Variants in STAT4 observed in about 807,000 individuals in gnomAD.
STAT4 encodes the protein signal transducer and activator of transcription 4.
In STAT4, 42 loss-of-function variants were observed where a neutral mutation model predicts 110.5. That is an observed-to-expected ratio of 0.38 (90% CI 0.30 to 0.49). The LOEUF (loss-of-function observed/expected upper bound fraction) is 0.49. Ranked by LOEUF, STAT4 falls within the 20% of genes least tolerant of loss-of-function variation. STAT4 has a pLI of 0.95. For synonymous variants in STAT4, 284 were observed against 302.2 expected (o/e 0.94, Z 0.63); for missense variants, 632 against 887.9 (o/e 0.71, Z 3.66).
chr2:191,129,881 T>C (rs139627334), intron 3 of STAT4, among the ~76,000 whole-genome samples: 126 of 152,318 alleles, frequency 8.3e-4, no homozygotes, highest in Middle Eastern at 6.8e-3. Flanking sequence ...TAATTTGTCT[T>C]ATAACTGAGG....
intron 18 of STAT4, 33 bp from the exon 19 acceptor site, chr2:191,034,038 A>G (rs1326151196): frequency 7.2e-7 from 1 of 1,382,364 alleles, no homozygotes. Flanking sequence ...TAAGACAATG[A>G]TTATTTAAGT....
Position 191,147,998 on chromosome 2 carries a change from G to T in STAT4, c.128+78C>A, listed in dbSNP as rs993470659. ...GAATGCATCTACTGAGTAAAAAGTG[G>T]ACCATAAAATAAATTCACATGGATA... On this transcript the variant is annotated intron_variant, in intron 2 of 23. Coordinates refer to ENST00000392320, the MANE Select transcript of STAT4 (RefSeq NM_003151.4). The surrounding 1 kb of genome is among the most constrained non-coding windows in gnomAD (Gnocchi z 4.1). The T allele has an allele frequency of 6.3e-7, 1 of 1,581,714 alleles. No homozygotes were observed. Among genetic ancestry groups the T allele is most frequent in the Non-Finnish European group, 8.6e-7 (1 of 1,164,666 alleles).
intron 13 of STAT4, among the ~76,000 whole-genome samples, chr2:191,057,761 GC>G: frequency 6.6e-6 from 1 of 151,870 alleles, no homozygotes; most frequent in Middle Eastern, 3.4e-3. Context: ...ACCATGCCTG[GC>G]TAATTTTTTG....
Position 191,146,632 on chromosome 2 carries a change from CT to C in STAT4, c.253del (p.Arg85GlufsTer17). Reference sequence around the variant, plus strand: ...TCTTACCTGAAGGACCTTCCTAATTCTTTTTAGATTGTGTATCAAGAGTAGG... The same window carrying C: ...TCTTACCTGAAGGACCTTCCTAATTCTTTTAGATTGTGTATCAAGAGTAGG... ...KNLLLIHNLK[R>X]IRKVLQGKFH... On this transcript the variant is annotated frameshift_variant, in exon 3 of 24. Transcript: ENST00000392320. LOFTEE classifies it high-confidence loss of function. The surrounding 1 kb of genome is among the most constrained non-coding windows in gnomAD (Gnocchi z 4.5). 6.4e-7 allele frequency: 1 copy of C among 1,560,180 alleles called. No individual in the cohort carries two copies. Among genetic ancestry groups the C allele is most frequent in the Admixed American group, 1.9e-5 (1 of 52,540 alleles).
chr2:191,076,648 CTT>C (rs71403210), intron 3 of STAT4, among the ~76,000 whole-genome samples: 32 of 136,608 alleles, frequency 2.3e-4, no homozygotes, highest in Non-Finnish European at 2.5e-4. Context: ...CAGGTTTTTT[CTT>C]TTTTTTTTTT....
chr2:191,030,800 T>C lies in STAT4; in HGVS notation c.2220+172A>G. 6.9e-6 allele frequency: 4 copies of C among 580,544 alleles called. No individual in the cohort carries two copies. In the South Asian group the frequency reaches 8.2e-5, roughly 12 times the overall value. The allele number at this position is 580,544 out of a possible 1,614,324, so 36.0% of individuals were successfully genotyped here. ...AGGTGTCTGCTTTCAATACGCATAA[T>C]ATCAGCAACACGCAGGACCATCCAG... On this transcript the variant is annotated intron_variant, in intron 23 of 23. Transcript: ENST00000392320. The surrounding 1 kb of genome is among the most constrained non-coding windows in gnomAD (Gnocchi z 4.4).
intron 3 of STAT4, among the ~76,000 whole-genome samples, chr2:191,127,152 A>G (rs1410246535): frequency 6.6e-6 from 1 of 152,180 alleles, no homozygotes; most frequent in Non-Finnish European, 1.5e-5. Flanking sequence ...CAGTGTCAGA[A>G]TTCTCCAATA....
Position 191,090,031 on chromosome 2 carries a change from G to A in STAT4, c.274-13706C>T, listed in dbSNP as rs973140724. On this transcript the variant is annotated intron_variant, in intron 3 of 23. Coordinates refer to ENST00000392320, the MANE Select transcript of STAT4 (RefSeq NM_003151.4). This position sits in a 1 kb window ranked among gnomAD's most constrained non-coding sequence, Gnocchi z 4.2. ...ATAAAACACATAGAACATATAGTGAGCCCTAATGTAAATTATGGGACTTTA... is the reference window on the plus strand; with the variant it reads ...ATAAAACACATAGAACATATAGTGAACCCTAATGTAAATTATGGGACTTTA... Among the ~76,000 whole-genome samples the A allele has an allele frequency of 2.0e-5, 3 of 152,050 alleles. No individual in the cohort carries two copies. Among genetic ancestry groups the A allele is most frequent in the African/African-American group, 7.2e-5 (3 of 41,390 alleles).
At position 191,129,002 on chromosome 2, in the gene STAT4, A is replaced by C. The variant is rs73982622; in HGVS notation, c.273+17611T>G. ...CTAACTGAAAGGCTGAGAAGCAATT[A>C]AATGTGAATTTTTTCGACTGTGAGC... On this transcript the variant is annotated intron_variant, in intron 3 of 23. Coordinates refer to ENST00000392320, the MANE Select transcript of STAT4 (RefSeq NM_003151.4). Among the ~76,000 whole-genome samples, 1,514 of 152,328 alleles carry C rather than the reference A, an allele frequency of 9.9e-3. 35 individuals carry two copies. The highest frequency in any genetic ancestry group is 0.035 in the African/African-American group (1,438 of 41,570).
chr2:191,105,795 T>C (rs1698262370), intron 3 of STAT4, among the ~76,000 whole-genome samples: 1 of 152,238 alleles, frequency 6.6e-6, no homozygotes, highest in East Asian at 1.9e-4. Context: ...CTTGGTCAGA[T>C]GAACCTATGA....
At chr2:191,123,911 T>G (rs1227084071) in intron 3 of STAT4, among the ~76,000 whole-genome samples, 3 of 152,190 alleles carry the variant, frequency 2.0e-5, no homozygotes, top group African/African-American at 7.2e-5. Context: ...TGTACCATCA[T>G]AAAGTTGAAA....
At position 191,031,538 on chromosome 2, in the gene STAT4, T is replaced by A. The variant is rs533367698; in HGVS notation, c.2045-22A>T. 4.4e-6 allele frequency: 7 copies of A among 1,603,776 alleles called. No homozygotes were observed. In the South Asian group the frequency reaches 4.5e-5, roughly 10 times the overall value. ...GAAACTGGAAAACAAAAAGGCACAA[T>A]GTTGGGGAAAAAAATGTCAATATTA... On this transcript the variant is annotated intron_variant, in intron 21 of 23. Transcript: ENST00000392320. This position sits in a 1 kb window ranked among gnomAD's most constrained non-coding sequence, Gnocchi z 4.8.
intron 16 of STAT4, among the ~76,000 whole-genome samples, chr2:191,038,487 ATGT>A (rs1410616846): frequency 6.6e-6 from 1 of 152,192 alleles, no homozygotes; most frequent in African/African-American, 2.4e-5. Flanking sequence ...TTAAGAAGAA[ATGT>A]TGTTATTTAC....
rs1698110745 is a variant in STAT4, at chr2:191,099,950, T to A, written c.274-23625A>T. Among the ~76,000 whole-genome samples the A allele has an allele frequency of 6.6e-6, 1 of 152,190 alleles. No individual in the cohort carries two copies. The highest frequency in any genetic ancestry group is 6.6e-5 in the Admixed American group (1 of 15,260). On this transcript the variant is annotated intron_variant, in intron 3 of 23. Transcript: ENST00000392320. The surrounding 1 kb of genome is among the most constrained non-coding windows in gnomAD (Gnocchi z 4.1). ...TTCAGTGGAATTTCAGGGGATTTTTTTTCTTTCTTCTTAGACTTTTCATTA... is the reference window on the plus strand; with the variant it reads ...TTCAGTGGAATTTCAGGGGATTTTTATTCTTTCTTCTTAGACTTTTCATTA...
At position 191,033,088 on chromosome 2, in the gene STAT4, G is replaced by A. The variant is rs369720896; in HGVS notation, c.1914C>T (p.Phe638=). Residue 638 remains phenylalanine, a synonymous_variant, in exon 21 of 24, where the codon TTC becomes TTT. Transcript: ENST00000392320. This position sits in a 1 kb window ranked among gnomAD's most constrained non-coding sequence, Gnocchi z 6.9. Reference sequence around the variant, plus strand: ...CTTTGTAGTCTCGCAGGATGTCAGCGAATGGCAGAGCAGACAACCGGCCTT... The same window carrying A: ...CTTTGTAGTCTCGCAGGATGTCAGCAAATGGCAGAGCAGACAACCGGCCTT... ...YNKGRLSALP[F]ADILRDYKVI... The A allele has an allele frequency of 2.6e-4, 421 of 1,614,086 alleles. 1 individual carries two copies. The highest frequency in any genetic ancestry group is 3.4e-4 in the Non-Finnish European group (398 of 1,180,052).
In STAT4 at chr2:191,143,074, C is replaced by G. The variant is rs1419761271; in HGVS notation, c.273+3539G>C. ...TAATAGGTGAAACTGGGATGTGGAGCTGGGAAGGAAGTATATGAGAACTTC... is the reference window on the plus strand; with the variant it reads ...TAATAGGTGAAACTGGGATGTGGAGGTGGGAAGGAAGTATATGAGAACTTC... On this transcript the variant is annotated intron_variant, in intron 3 of 23. Coordinates refer to ENST00000392320, the MANE Select transcript of STAT4 (RefSeq NM_003151.4). The surrounding 1 kb of genome is among the most constrained non-coding windows in gnomAD (Gnocchi z 5.6). 6.6e-6 allele frequency among the ~76,000 whole-genome samples: 1 copy of G among 152,108 alleles called. No individual in the cohort carries two copies.
chr2:191,050,087 A>G lies in STAT4; in HGVS notation c.1251+4403T>C, dbSNP rs1696477935. Among the ~76,000 whole-genome samples the G allele has an allele frequency of 1.3e-5, 2 of 152,204 alleles. No homozygotes were observed. Among genetic ancestry groups the G allele is most frequent in the South Asian group, 4.1e-4 (2 of 4,834 alleles). On this transcript the variant is annotated intron_variant, in intron 14 of 23. Coordinates refer to ENST00000392320, the MANE Select transcript of STAT4 (RefSeq NM_003151.4). The surrounding 1 kb of genome is among the most constrained non-coding windows in gnomAD (Gnocchi z 4.3). Reference sequence around the variant, plus strand: ...TCATTGTGCTTCATGACTTTCCACCACATAAACAAAATTACCTAACACCTC... The same window carrying G: ...TCATTGTGCTTCATGACTTTCCACCGCATAAACAAAATTACCTAACACCTC...
chr2:191,071,680 A>G (rs780576858), intron 5 of STAT4, among the ~76,000 whole-genome samples: 1 of 152,190 alleles, frequency 6.6e-6, no homozygotes, highest in Non-Finnish European at 1.5e-5. Flanking sequence ...TACATTCCAA[A>G]TGTTCCGTAG....
chr2:191,061,820 A>G lies in STAT4; in HGVS notation c.943T>C (p.Ser315Pro). Residue 315 changes from serine (S) to proline (P), a missense_variant and splice_region_variant, in exon 10 of 24, where the codon TCA becomes CCA. Physicochemically the swap from Ser to Pro is moderately conservative, Grantham distance 74. This residue lies in a region of STAT4 where 488 missense variants were observed against 632.8 expected (regional missense o/e 0.77). Transcript: ENST00000392320. The surrounding 1 kb of genome is among the most constrained non-coding windows in gnomAD (Gnocchi z 6.2). Reference protein sequence around the residue: ...TFLIYNLFKNSFVVERQPCMP... With the variant: ...TFLIYNLFKNPFVVERQPCMP... ...CATGGCTGTCGCTCAACCACAAATG[A>G]GCTAGATGAAAAGGAAATAAAGCGC... The G allele has an allele frequency of 6.2e-7, 1 of 1,611,232 alleles. No individual in the cohort carries two copies. The highest frequency in any genetic ancestry group is 8.5e-7 in the Non-Finnish European group (1 of 1,179,180).
Sources: gnomAD v4.1 joint callset for allele counts (sites outside exome capture counted in the v4.1 genomes callset) on GRCh38, gnomAD v4.1.1 for gene constraint, gnomAD v4.1.1 regional missense constraint, Gnocchi (gnomAD v3.1) non-coding constraint, MANE v1.5 for transcripts, NCBI Gene and HGNC (gene_info 2026-07-23, HGNC 2026-07-21) for gene names.